TCF3: variants seen among roughly 807,000 people sequenced by gnomAD.
The protein encoded by TCF3 is transcription factor 3.
A neutral mutation model predicts 72.3 loss-of-function variants in TCF3; 54 were observed. The ratio of observed to expected loss-of-function variants is 0.75; its 90% CI spans 0.60 to 0.94. The LOEUF (loss-of-function observed/expected upper bound fraction) is 0.94, where lower values mean the gene tolerates loss of function less well. Among genes scored for constraint, TCF3 ranks in the 40% least tolerant of loss-of-function variants. The pLI, the probability that TCF3 is intolerant of heterozygous loss-of-function variation, is 0.00. For synonymous variants in TCF3, 525 were observed against 412.6 expected (o/e 1.27, Z -3.30); for missense variants, 1,078 against 934.4 (o/e 1.15, Z -2.00).
rs2062354369 is a variant in TCF3, at chr19:1,622,422, G to A, written c.550-7C>T. 2 of 1,411,550 alleles carry A rather than the reference G, an allele frequency of 1.4e-6. No individual in the cohort carries two copies. The highest frequency in any genetic ancestry group is 1.9e-6 in the Non-Finnish European group (2 of 1,064,462). The allele number at this position is 1,411,550 out of a possible 1,614,324, so 87.4% of individuals were successfully genotyped here. A position where few individuals can be genotyped will look rare whatever the true frequency, so the allele number is the denominator to read the frequency against. On this transcript the variant is annotated splice_region_variant and splice_polypyrimidine_tract_variant and intron_variant, in intron 8 of 18. Coordinates refer to ENST00000262965, the MANE Select transcript of TCF3 (RefSeq NM_003200.5). The stretch of plus-strand genomic sequence containing the variant: ...CTGAGCTGGGTGGGTACACCTGCGG[G>A]CGGGTGGGCGGTGGGGGGTGCAGTC...
intron 6 of TCF3, among the ~76,000 whole-genome samples, chr19:1,626,295 A>T (rs2062865694): frequency 6.6e-6 from 1 of 152,148 alleles, no homozygotes; most frequent in African/African-American, 2.4e-5. Flanking sequence ...TACAAAGAAT[A>T]CAAAATTAGC....
intron 7 of TCF3, 130 bp from the exon 8 acceptor site, chr19:1,624,130 C>T (rs2062596213): frequency 7.2e-6 from 6 of 838,088 alleles, no homozygotes; most frequent in Non-Finnish European, 7.6e-6. Flanking sequence ...GGGTGCGGTG[C>T]CTCATGCCTG....
At chr19:1,624,459 G>A (rs140767624) in intron 7 of TCF3, among the ~76,000 whole-genome samples, 75 of 152,326 alleles carry the variant, frequency 4.9e-4, no homozygotes, top group African/African-American at 1.7e-3. Flanking sequence ...CGGCTCCAAA[G>A]ATGTCGAAGA....
intron 16 of TCF3, chr19:1,616,554 A>G (rs2061566766): frequency 6.6e-6 from 1 of 152,178 alleles, no homozygotes; most frequent in Admixed American, 6.5e-5. Context: ...GCTAATCTTT[A>G]TCATTCTCAT....
At position 1,614,516 on chromosome 19, in the gene TCF3, G is replaced by C. The variant is rs527810137; in HGVS notation, c.1822+769C>G. Among the ~76,000 whole-genome samples the C allele has an allele frequency of 6.6e-6, 1 of 152,126 alleles. No individual in the cohort carries two copies. The highest frequency in any genetic ancestry group is 1.5e-5 in the Non-Finnish European group (1 of 67,996). On this transcript the variant is annotated intron_variant, in intron 18 of 18. Transcript: ENST00000262965. The surrounding 1 kb of genome is among the most constrained non-coding windows in gnomAD (Gnocchi z 5.6). ...GCAGAGAGGCGGGCTTGGGGGGCGC[G>C]AGGCGTGCCACACACGGCTGCAGAG...
intron 5 of TCF3, 200 bp downstream of exon 5, chr19:1,631,836 CAG>C (rs2063750858): frequency 1.4e-6 from 2 of 1,379,866 alleles, no homozygotes; most frequent in Admixed American, 4.2e-5. Flanking sequence ...AGCCTAGTTG[CAG>C]AGTGCCGTGC....
intron 1 of TCF3, among the ~76,000 whole-genome samples, chr19:1,651,577 C>G (rs75884006): frequency 0.028 from 4,273 of 152,272 alleles, 97 homozygotes; most frequent in Middle Eastern, 0.058. Context: ...TCTGGGGCGT[C>G]CCAAGGACTT....
At chr19:1,619,758 G>T in intron 14 of TCF3, 22 bp downstream of exon 14, 1 of 1,541,882 alleles carries the variant, frequency 6.5e-7, no homozygotes, top group Non-Finnish European at 8.8e-7. Flanking sequence ...GAAGGGTGGG[G>T]TGGGGCGGGG....
intron 6 of TCF3, 117 bp downstream of exon 6, chr19:1,627,242 G>T: frequency 1.8e-6 from 1 of 545,406 alleles, no homozygotes; most frequent in Non-Finnish European, 2.8e-6. Flanking sequence ...GCCTGGTTTC[G>T]CTATCAGGAA....
chr19:1,641,780 A>T (rs2065280142), intron 3 of TCF3, among the ~76,000 whole-genome samples: 1 of 151,918 alleles, frequency 6.6e-6, no homozygotes, highest in Non-Finnish European at 1.5e-5. Flanking sequence ...TTAAACAGAG[A>T]CAGGGTTTCT....
chr19:1,621,319 G>T lies in TCF3; in HGVS notation c.956-128C>A, dbSNP rs987895352. On this transcript the variant is annotated intron_variant, in intron 11 of 18. Transcript: ENST00000262965. ...AGGGAGAGCAGCCTGACTCGGGTCCGGTTTCTGTCTGACCCCCTGAAACCA... is the reference window on the plus strand; with the variant it reads ...AGGGAGAGCAGCCTGACTCGGGTCCTGTTTCTGTCTGACCCCCTGAAACCA... 4.2e-6 allele frequency: 5 copies of T among 1,182,458 alleles called. No homozygotes were observed. In the African/African-American group the frequency reaches 7.7e-5, roughly 18 times the overall value. 73.2% of individuals were successfully genotyped at this position (1,182,458 alleles called of 1,614,324 possible).
In TCF3 at chr19:1,609,928, C is replaced by G. The variant is rs2060872175; in HGVS notation, c.*1779G>C. The G allele has an allele frequency of 4.3e-6, 1 of 232,770 alleles. No individual in the cohort carries two copies. Among genetic ancestry groups the G allele is most frequent in the Admixed American group, 5.6e-5 (1 of 17,760 alleles). The allele number at this position is 232,770 out of a possible 1,614,324, so 14.4% of individuals were successfully genotyped here. ...GGATGAACACAGCCAGCCCAGGGGTCCACAAGGCCTCAATGCAGGGAGGGG... is the reference window on the plus strand; with the variant it reads ...GGATGAACACAGCCAGCCCAGGGGTGCACAAGGCCTCAATGCAGGGAGGGG... On this transcript the variant is annotated 3_prime_UTR_variant, in exon 19 of 19. Coordinates refer to ENST00000262965, the MANE Select transcript of TCF3 (RefSeq NM_003200.5).
At chr19:1,635,359 G>A (rs539137788) in intron 3 of TCF3, among the ~76,000 whole-genome samples, 90 of 152,274 alleles carry the variant, frequency 5.9e-4, no homozygotes, top group African/African-American at 1.0e-3. Flanking sequence ...TCAGGCAGCC[G>A]GATGGAGCCT....
At chr19:1,612,565 GTGT>G (rs781705742) in intron 18 of TCF3, 225 of 831,600 alleles carry the variant, frequency 2.7e-4, no homozygotes, top group South Asian at 1.4e-3. Flanking sequence ...TACACGGCTG[GTGT>G]TGGTGGGCAC....
intron 3 of TCF3, among the ~76,000 whole-genome samples, chr19:1,635,691 C>A (rs2145103600): frequency 6.6e-6 from 1 of 152,194 alleles, no homozygotes; most frequent in South Asian, 2.1e-4. Flanking sequence ...AATACGGGGA[C>A]CACACTACCA....
In TCF3 at chr19:1,619,843, C is replaced by T; in HGVS notation, c.1104G>A (p.Gln368=). ...GSPQGLAGTS[Q]WPRAGAPGAL... ...CACCGGGGGCTCCTGCTCGAGGCCA[C>T]TGTGACGTTCCTGGAAGGGAGTGGG... Residue 368 remains glutamine (Q), a synonymous_variant, in exon 14 of 19, where the codon CAG becomes CAA. Coordinates refer to ENST00000262965, the MANE Select transcript of TCF3 (RefSeq NM_003200.5). 6.3e-7 allele frequency: 1 copy of T among 1,578,056 alleles called. No individual in the cohort carries two copies. The highest frequency in any genetic ancestry group is 8.6e-7 in the Non-Finnish European group (1 of 1,162,842).
intron 2 of TCF3, among the ~76,000 whole-genome samples, chr19:1,648,973 C>G (rs1047075551): frequency 2.0e-5 from 3 of 152,214 alleles, no homozygotes; most frequent in Non-Finnish European, 4.4e-5. Context: ...CGTCAGCGGC[C>G]GGTACCCCAG....
intron 3 of TCF3, among the ~76,000 whole-genome samples, chr19:1,634,280 C>T (rs2064102288): frequency 6.6e-6 from 1 of 152,234 alleles, no homozygotes; most frequent in African/African-American, 2.4e-5. Flanking sequence ...ATCCATTGCT[C>T]CTGTTCTAAT....
intron 3 of TCF3, 66 bp downstream of exon 3, chr19:1,646,289 A>G (rs1373007969): frequency 6.7e-7 from 1 of 1,489,308 alleles, no homozygotes; most frequent in Admixed American, 2.0e-5. Context: ...CCTCGCCCGC[A>G]CACTGTCTTC....
Sources: allele counts gnomAD v4.1 joint callset (sites outside exome capture counted in the v4.1 genomes callset), GRCh38; gene constraint gnomAD v4.1.1; non-coding constraint Gnocchi (gnomAD v3.1); transcripts MANE v1.5; gene names NCBI Gene and HGNC (gene_info 2026-07-23, HGNC 2026-07-21).